The following TMEM131L variants were observed in gnomAD, a reference collection of about 807,000 sequenced individuals.
The protein encoded by TMEM131L is transmembrane 131 like.
In TMEM131L, 54 loss-of-function variants were observed where a neutral mutation model predicts 192.2. The observed-to-expected ratio is 0.28, with a 90% confidence interval of 0.23 to 0.35. The LOEUF (loss-of-function observed/expected upper bound fraction) is 0.35. TMEM131L is among the 10% of genes least tolerant of loss of function. TMEM131L has a pLI of 1.00. For missense variants in TMEM131L, 1,888 were observed against 1,972.9 expected (o/e 0.96, Z 0.82); for synonymous variants, 701 against 704.9 (o/e 0.99, Z 0.09).
At chr4:153,525,042 T>C (rs1735375501) in intron 3 of TMEM131L, among the ~76,000 whole-genome samples, 1 of 152,202 alleles carries the variant, frequency 6.6e-6, no homozygotes, top group South Asian at 2.1e-4. Flanking sequence ...ACACTGCTGT[T>C]TGGCTAGTGA....
chr4:153,580,736 T>A, intron 7 of TMEM131L, 90 bp from the exon 8 acceptor site: 1 of 724,722 alleles, frequency 1.4e-6, no homozygotes, highest in Non-Finnish European at 2.4e-6. Context: ...TGAAAAAGTG[T>A]AGTTTCTGAA....
intron 3 of TMEM131L, among the ~76,000 whole-genome samples, chr4:153,491,800 G>T (rs1021789954): frequency 6.6e-5 from 10 of 151,976 alleles, no homozygotes; most frequent in African/African-American, 2.2e-4. Context: ...TCAGACTCCC[G>T]GGCTCAAGCC....
chr4:153,585,396 A>G (rs915216533), intron 12 of TMEM131L, 62 bp from the exon 13 acceptor site: 8 of 1,530,018 alleles, frequency 5.2e-6, no homozygotes, highest in African/African-American at 1.4e-5. Flanking sequence ...TTAGAGGCTC[A>G]TAAGAGGGCT....
chr4:153,587,653 G>A, intron 14 of TMEM131L, 89 bp from the exon 15 acceptor site: 1 of 956,958 alleles, frequency 1.0e-6, no homozygotes. Context: ...CTGAGGTGCA[G>A]ACCAATGTCT....
intron 1 of TMEM131L, 88 bp downstream of exon 1, chr4:153,466,609 G>T: frequency 8.5e-7 from 1 of 1,182,868 alleles, no homozygotes; most frequent in South Asian, 3.7e-5. Flanking sequence ...ATAAGAGGGC[G>T]AGGGGAGGAA....
At chr4:153,605,056 C>G (rs1732126064) in intron 25 of TMEM131L, among the ~76,000 whole-genome samples, 1 of 152,062 alleles carries the variant, frequency 6.6e-6, no homozygotes, top group African/African-American at 2.4e-5. Context: ...ATTAATCAGC[C>G]CATGAAATGT....
intron 3 of TMEM131L, among the ~76,000 whole-genome samples, chr4:153,540,367 A>G (rs1736684625): frequency 6.6e-6 from 1 of 152,172 alleles, no homozygotes; most frequent in Admixed American, 6.5e-5. Context: ...TGAAGACAGC[A>G]CGTTCAGCCT....
At chr4:153,479,843 G>A (rs1561115384) in intron 3 of TMEM131L, among the ~76,000 whole-genome samples, 1 of 152,178 alleles carries the variant, frequency 6.6e-6, no homozygotes, top group Non-Finnish European at 1.5e-5. Flanking sequence ...GGGGACACTC[G>A]CTTTTGGCAG....
chr4:153,480,415 G>C (rs949291585), intron 3 of TMEM131L, among the ~76,000 whole-genome samples: 1 of 151,368 alleles, frequency 6.6e-6, no homozygotes, highest in Non-Finnish European at 1.5e-5. Context: ...AGCTACTCCA[G>C]AGGCTGAGGC....
chr4:153,547,928 A>C (rs901857331), intron 3 of TMEM131L, among the ~76,000 whole-genome samples: 2 of 152,230 alleles, frequency 1.3e-5, no homozygotes, highest in African/African-American at 4.8e-5. Context: ...TTTTCAGTGC[A>C]CAAGACAGGA....
chr4:153,559,962 G>A (rs1344610653), intron 7 of TMEM131L, among the ~76,000 whole-genome samples: 3 of 151,928 alleles, frequency 2.0e-5, no homozygotes, highest in African/African-American at 4.8e-5. Flanking sequence ...GTGCAATGCC[G>A]TTTTCCCTCC....
At chr4:153,487,222 A>C (rs1021964494) in intron 3 of TMEM131L, among the ~76,000 whole-genome samples, 1 of 152,186 alleles carries the variant, frequency 6.6e-6, no homozygotes, top group Non-Finnish European at 1.5e-5. Context: ...TGAGAGGTAG[A>C]AATAGTCTTG....
chr4:153,547,148 A>G (rs1165325520), intron 3 of TMEM131L, among the ~76,000 whole-genome samples: 3 of 152,226 alleles, frequency 2.0e-5, no homozygotes, highest in East Asian at 1.9e-4. Flanking sequence ...TAGAGAAAAA[A>G]AAATTGGCAT....
At chr4:153,606,331 G>A (rs979772712) in intron 25 of TMEM131L, among the ~76,000 whole-genome samples, 1 of 152,192 alleles carries the variant, frequency 6.6e-6, no homozygotes, top group Admixed American at 6.5e-5. Flanking sequence ...CCCTCCAGAA[G>A]TGCTTCTTCT....
chr4:153,614,110 G>T (rs565123076), intron 26 of TMEM131L, among the ~76,000 whole-genome samples: 1 of 152,134 alleles, frequency 6.6e-6, no homozygotes, highest in Non-Finnish European at 1.5e-5. Flanking sequence ...AAGGGAAGAT[G>T]GGCAGCGGGC....
Position 153,634,252 on chromosome 4 carries a change from A to C in TMEM131L, c.4389A>C (p.Glu1463Asp). 2 of 1,614,110 alleles carry C rather than the reference A, an allele frequency of 1.2e-6. No individual in the cohort carries two copies. Among genetic ancestry groups the C allele is most frequent in the East Asian group, 4.5e-5 (2 of 44,876 alleles). ...TTTCCAGCGCATACTGTCCATTGGAATTGAACGATTACAATGCCTTTCCAG... is the reference window on the plus strand; with the variant it reads ...TTTCCAGCGCATACTGTCCATTGGACTTGAACGATTACAATGCCTTTCCAG... ...GQFSSAYCPL[E>D]LNDYNAFPEE... Residue 1463 changes from glutamate (E) to aspartate (D), a missense_variant, in exon 33 of 35, where the codon GAA becomes GAC. Physicochemically the swap from Glu to Asp is conservative, Grantham distance 45. Transcript: ENST00000409959.
chr4:153,580,861 A>C lies in TMEM131L; in HGVS notation c.696A>C (p.Gln232His), dbSNP rs553100868. Residue 232 changes from glutamine (Q) to histidine (H), a missense_variant, in exon 8 of 35, where the codon CAA (glutamine) becomes CAC (histidine). Coordinates refer to ENST00000409959, the MANE Select transcript of TMEM131L (RefSeq NM_001131007.2). ...CTAATACTAGCCTCTTGCAGGTGCA[A>C]CTGGAATGCAGTTTACATAATAAAG... ...ETTNTSLLQV[Q>H]LECSLHNKVC... 2 of 1,612,982 alleles carry C rather than the reference A, an allele frequency of 1.2e-6. No homozygotes were observed. Among genetic ancestry groups the C allele is most frequent in the Non-Finnish European group, 1.7e-6 (2 of 1,179,032 alleles).
At chr4:153,524,131 GT>G (rs57178282) in intron 3 of TMEM131L, among the ~76,000 whole-genome samples, 29,350 of 122,576 alleles carry the variant, frequency 0.24, 3,122 homozygotes, top group African/African-American at 0.32. Context: ...TTTCACTTCT[GT>G]TTTTTTTTTT....
In TMEM131L at chr4:153,592,568, C is replaced by T. The variant is rs749312846; in HGVS notation, c.1906C>T (p.His636Tyr). 1 of 1,612,218 alleles carries T rather than the reference C, an allele frequency of 6.2e-7. No homozygotes were observed. Among genetic ancestry groups the T allele is most frequent in the African/African-American group, 1.3e-5 (1 of 75,000 alleles). The change falls in exon 18 of 35, where the codon CAC becomes TAC. Residue 636 changes from histidine to tyrosine, a missense_variant. Physicochemically the swap from His to Tyr is moderately conservative, Grantham distance 83. Coordinates refer to ENST00000409959, the MANE Select transcript of TMEM131L (RefSeq NM_001131007.2). The stretch of plus-strand genomic sequence containing the variant: ...GTACCCTAAACCCGAAGCCCTAGTG[C>T]ACCTGCTCCACAGATGGTATGAAGA... ...SLYPKPEALV[H>Y]LLHRWFGTDM...
Sources: allele counts gnomAD v4.1 joint callset (sites outside exome capture counted in the v4.1 genomes callset), GRCh38; gene constraint gnomAD v4.1.1; transcripts MANE v1.5; gene names NCBI Gene and HGNC (gene_info 2026-07-23, HGNC 2026-07-21).